YIPF7: variants seen among roughly 807,000 people sequenced by gnomAD.
The protein encoded by YIPF7 is Yip1 domain family member 7.
In YIPF7, 35 loss-of-function variants were observed where a neutral mutation model predicts 27.2. The observed-to-expected ratio is 1.29, with a 90% CI of 0.98 to 1.70. YIPF7 has a LOEUF of 1.70. Among genes scored for constraint, YIPF7 ranks in the 40% most tolerant of loss-of-function variants. The probability of loss-of-function intolerance (pLI) is 0.00; values close to 1 mark genes in which losing one functional copy is unlikely to be tolerated. For synonymous variants in YIPF7, 137 were observed against 110.4 expected (o/e 1.24, Z -1.51); for missense variants, 358 against 303.7 (o/e 1.18, Z -1.33).
chr4:44,635,761 C>G (rs1384950408), intron 3 of YIPF7, among the ~76,000 whole-genome samples, 161 bp downstream of exon 3: 2 of 152,214 alleles, frequency 1.3e-5, no homozygotes, highest in Non-Finnish European at 2.9e-5. Context: ...ATGCAACAAA[C>G]TTCCAATGGT....
At position 44,640,525 on chromosome 4, in the gene YIPF7, C is replaced by T. The variant is rs1713288741; in HGVS notation, c.117-4440G>A. Among the ~76,000 whole-genome samples the T allele has an allele frequency of 1.3e-5, 2 of 152,196 alleles. 1 individual carries two copies. The highest frequency in any genetic ancestry group is 4.1e-4 in the South Asian group (2 of 4,834). Reference sequence around the variant, plus strand: ...TGGGTAAAGTGTAGTCACCACTGCACTGAGGTCCTTCCATGGGAAGGGTGG... The same window carrying T: ...TGGGTAAAGTGTAGTCACCACTGCATTGAGGTCCTTCCATGGGAAGGGTGG... On this transcript the variant is annotated intron_variant, in intron 2 of 5. Transcript: ENST00000415895.
intron 2 of YIPF7, among the ~76,000 whole-genome samples, chr4:44,645,890 T>C (rs773039537): frequency 4.9e-4 from 74 of 152,148 alleles, no homozygotes; most frequent in Admixed American, 1.3e-3. Context: ...ATATATATAA[T>C]ATACACATTC....
chr4:44,647,345 T>C (rs1208636368), intron 2 of YIPF7, among the ~76,000 whole-genome samples: 2 of 152,176 alleles, frequency 1.3e-5, no homozygotes, highest in Non-Finnish European at 2.9e-5. Flanking sequence ...TTTTTCTCTC[T>C]TATTGTGCAT....
At chr4:44,653,002 A>G (rs994300403), upstream of YIPF7, among the ~76,000 whole-genome samples, 8 of 152,074 alleles carry the variant, frequency 5.3e-5, no homozygotes, top group Non-Finnish European at 1.2e-4. Context: ...GAGAGTGCAA[A>G]GGGGAGAGGA....
At chr4:44,631,567 C>A (rs1712898654) in intron 3 of YIPF7, among the ~76,000 whole-genome samples, 1 of 151,676 alleles carries the variant, frequency 6.6e-6, no homozygotes. Flanking sequence ...TCATTTCATG[C>A]CCAGAATGAC....
chr4:44,625,434 T>A (rs897679115), intron 4 of YIPF7, among the ~76,000 whole-genome samples: 1 of 152,192 alleles, frequency 6.6e-6, no homozygotes, highest in African/African-American at 2.4e-5. Flanking sequence ...CGGGAACTCT[T>A]ACAAGTCCTA....
chr4:44,629,302 A>G (rs753127551), intron 4 of YIPF7, 101 bp downstream of exon 4: 9 of 1,287,170 alleles, frequency 7.0e-6, no homozygotes, highest in East Asian at 3.0e-5. Context: ...AAAATTCACT[A>G]TGTAAGGTGA....
chr4:44,635,346 A>G (rs1458556251), intron 3 of YIPF7, among the ~76,000 whole-genome samples: 1 of 152,046 alleles, frequency 6.6e-6, no homozygotes, highest in East Asian at 1.9e-4. Flanking sequence ...TTCAGTTCCA[A>G]GAATGTCTGG....
intron 2 of YIPF7, among the ~76,000 whole-genome samples, chr4:44,639,938 A>G (rs1039284405): frequency 6.6e-6 from 1 of 152,188 alleles, no homozygotes; most frequent in African/African-American, 2.4e-5. Context: ...TTCTGCATCC[A>G]TTGAGATAAT....
At position 44,629,532 on chromosome 4, in the gene YIPF7, A is replaced by C; in HGVS notation, c.297T>G (p.Phe99Leu). The change falls in exon 4 of 6, where the codon TTT becomes TTG. Residue 99 changes from phenylalanine to leucine, a missense_variant. By Grantham distance (22) the Phe-to-Leu change is conservative. Coordinates refer to ENST00000415895, the MANE Select transcript of YIPF7 (RefSeq NM_182592.3). ...PPLLEELGIH[F>L]DHIWQKTLTV... ...TCAAAGTTTTTTGCCATATGTGATCAAAATGGATTCCAAGTTCTGTAAAAA... is the reference window on the plus strand; with the variant it reads ...TCAAAGTTTTTTGCCATATGTGATCCAAATGGATTCCAAGTTCTGTAAAAA... 2 of 1,544,416 alleles carry C rather than the reference A, an allele frequency of 1.3e-6. No individual in the cohort carries two copies. Among genetic ancestry groups the C allele is most frequent in the Non-Finnish European group, 1.7e-6 (2 of 1,146,022 alleles).
rs938604091 is a variant in YIPF7 at position 44,650,064 on chromosome 4, G to A, written c.37C>T (p.Gln13Ter). 8.9e-6 allele frequency: 14 copies of A among 1,580,232 alleles called. No individual in the cohort carries two copies. The highest frequency in any genetic ancestry group is 1.7e-4 in the Middle Eastern group (1 of 6,012). ...TGGTTATCAATAGTAAAATTAGATT[G>A]GTAAAAATCAGAGTCAAATTGTGCC... ...NLAQFDSDFY[Q>*]SNFTIDNQEQ... Residue 13 changes from glutamine to a stop codon, truncating the protein, a stop_gained, in exon 2 of 6, where the codon CAA (glutamine) becomes TAA (stop). Transcript: ENST00000415895. LOFTEE classifies it high-confidence loss of function.
At chr4:44,636,185 T>C in intron 2 of YIPF7, 100 bp from the exon 3 acceptor site, 2 of 1,232,746 alleles carry the variant, frequency 1.6e-6, no homozygotes, top group Non-Finnish European at 2.2e-6. Flanking sequence ...ATGTAGTTTT[T>C]ATGAGTATTT....
chr4:44,652,255 C>T (rs962444994), upstream of YIPF7, among the ~76,000 whole-genome samples: 2 of 152,094 alleles, frequency 1.3e-5, no homozygotes, highest in African/African-American at 4.8e-5. Context: ...CTGAATTGGC[C>T]CTTCTCTGTA....
chr4:44,622,700 T>A, intron 5 of YIPF7, 124 bp from the exon 6 acceptor site: 1 of 1,236,912 alleles, frequency 8.1e-7, no homozygotes, highest in Non-Finnish European at 1.1e-6. Flanking sequence ...AAAATGAAAA[T>A]GATAAAATAT....
intron 3 of YIPF7, among the ~76,000 whole-genome samples, chr4:44,630,566 A>G (rs1418812374): frequency 6.6e-6 from 1 of 152,216 alleles, no homozygotes; most frequent in African/African-American, 2.4e-5. Flanking sequence ...AGACGAGTTA[A>G]CCTTTCTCTT....
At chr4:44,636,510 CTG>C (rs1218507307) in intron 2 of YIPF7, among the ~76,000 whole-genome samples, 1 of 152,190 alleles carries the variant, frequency 6.6e-6, no homozygotes, top group Non-Finnish European at 1.5e-5. Flanking sequence ...TCGCCACACA[CTG>C]ATGCTTTTTA....
At chr4:44,639,672 G>C (rs1182451357) in intron 2 of YIPF7, among the ~76,000 whole-genome samples, 1 of 151,864 alleles carries the variant, frequency 6.6e-6, no homozygotes, top group African/African-American at 2.4e-5. Context: ...AATTTGGATG[G>C]CTTTTATTTT....
chr4:44,652,190 G>A (rs1357143802), upstream of YIPF7, among the ~76,000 whole-genome samples: 2 of 151,974 alleles, frequency 1.3e-5, no homozygotes, highest in East Asian at 3.9e-4. Flanking sequence ...TACCATTATC[G>A]AGCCAATCCT....
At chr4:44,654,408 G>A (rs934284793), upstream of YIPF7, among the ~76,000 whole-genome samples, 1 of 151,824 alleles carries the variant, frequency 6.6e-6, no homozygotes, top group Non-Finnish European at 1.5e-5. Context: ...TCTACTCATA[G>A]ACACTTTCTT....
Sources: allele counts gnomAD v4.1 joint callset (sites outside exome capture counted in the v4.1 genomes callset), GRCh38; gene constraint gnomAD v4.1.1; transcripts MANE v1.5; gene names NCBI Gene and HGNC (gene_info 2026-07-23, HGNC 2026-07-21).